The following JAZF1 variants were observed in gnomAD, a reference collection of about 807,000 sequenced individuals.
The protein encoded by JAZF1 is JAZF zinc finger 1, also known as juxtaposed with another zinc finger protein 1.
In JAZF1, 8 loss-of-function variants were observed where a neutral mutation model predicts 26.4. The observed-to-expected ratio is 0.30, with a 90% CI of 0.18 to 0.55. The LOEUF is 0.55. JAZF1 is among the 20% of genes least tolerant of loss of function. The pLI is 0.94. For missense variants in JAZF1, 199 were observed against 322.0 expected, an observed-to-expected ratio of 0.62 and a Z score of 2.92; for synonymous variants, 126 against 122.3, an observed-to-expected ratio of 1.03 and a Z score of -0.20.
chr7:27,881,401 T>C (rs746972238), intron 3 of JAZF1, among the ~76,000 whole-genome samples: 1 of 152,258 alleles, frequency 6.6e-6, no homozygotes, highest in Admixed American at 6.5e-5. Flanking sequence ...ATAAATTATA[T>C]ATACTGGTAT....
At chr7:28,149,683 T>C (rs1783078343) in intron 1 of JAZF1, among the ~76,000 whole-genome samples, 1 of 152,210 alleles carries the variant, frequency 6.6e-6, no homozygotes, top group Non-Finnish European at 1.5e-5. Flanking sequence ...ATCTTCAATT[T>C]GAATCAGTGG....
intron 2 of JAZF1, among the ~76,000 whole-genome samples, chr7:27,901,208 C>G (rs1021146517): frequency 6.6e-6 from 1 of 152,162 alleles, no homozygotes; most frequent in Non-Finnish European, 1.5e-5. Context: ...TTTCAACTTC[C>G]CTACAAATCA....
intron 2 of JAZF1, among the ~76,000 whole-genome samples, chr7:27,984,559 A>G (rs1465413500): frequency 6.6e-6 from 1 of 152,220 alleles, no homozygotes; most frequent in Non-Finnish European, 1.5e-5. Context: ...CAGAAAGTTA[A>G]CAAGGATATC....
intron 1 of JAZF1, among the ~76,000 whole-genome samples, chr7:28,032,049 G>A (rs1043305273): frequency 1.4e-4 from 21 of 152,132 alleles, no homozygotes; most frequent in African/African-American, 5.1e-4. Context: ...AGTGTCTCAC[G>A]CAACCATTAA....
At chr7:28,106,050 T>C (rs1016680616) in intron 1 of JAZF1, among the ~76,000 whole-genome samples, 3 of 152,208 alleles carry the variant, frequency 2.0e-5, no homozygotes, top group Non-Finnish European at 4.4e-5. Flanking sequence ...TCCAAGCACA[T>C]GTGGAGGTTT....
intron 2 of JAZF1, among the ~76,000 whole-genome samples, chr7:27,968,824 T>C (rs1224199125): frequency 2.6e-5 from 4 of 151,990 alleles, no homozygotes; most frequent in Non-Finnish European, 5.9e-5. Context: ...AAATGGGCAA[T>C]AAAAGAAAGT....
chr7:27,999,148 T>C (rs1181115232), intron 1 of JAZF1, among the ~76,000 whole-genome samples: 1 of 152,230 alleles, frequency 6.6e-6, no homozygotes, highest in East Asian at 1.9e-4. Context: ...TGCATATCTG[T>C]ATACAGCAGC....
chr7:28,020,708 G>A (rs1332937209), intron 1 of JAZF1: 1 of 471,188 alleles, frequency 2.1e-6, no homozygotes, highest in South Asian at 1.5e-5. Context: ...ATGTGACACT[G>A]GCATTTGTCC....
intron 1 of JAZF1, among the ~76,000 whole-genome samples, chr7:28,115,872 T>G (rs1324908139): frequency 6.6e-6 from 1 of 152,192 alleles, no homozygotes; most frequent in Non-Finnish European, 1.5e-5. Flanking sequence ...GTCTCCTTTC[T>G]ACATCAAAGG....
chr7:27,993,828 G>T (rs1241220385), intron 1 of JAZF1, among the ~76,000 whole-genome samples: 1 of 152,186 alleles, frequency 6.6e-6, no homozygotes, highest in Non-Finnish European at 1.5e-5. Flanking sequence ...GACTCAAAGA[G>T]ATATCTGGTG....
At chr7:28,159,495 G>A (rs1181991166) in intron 1 of JAZF1, among the ~76,000 whole-genome samples, 5 of 151,956 alleles carry the variant, frequency 3.3e-5, no homozygotes, top group Non-Finnish European at 7.4e-5. Context: ...CCTTCGAGGG[G>A]GCGTGGGCAG....
At chr7:27,956,634 T>A (rs1046801152) in intron 2 of JAZF1, among the ~76,000 whole-genome samples, 9 of 152,158 alleles carry the variant, frequency 5.9e-5, no homozygotes, top group Admixed American at 5.2e-4. Context: ...ACTGCTCTTC[T>A]GGAAGAAAGG....
chr7:28,031,654 C>T (rs1268634680), intron 1 of JAZF1, among the ~76,000 whole-genome samples: 9 of 152,044 alleles, frequency 5.9e-5, no homozygotes, highest in African/African-American at 1.9e-4. Context: ...AAACCAAACA[C>T]CAAATGTTCT....
intron 1 of JAZF1, among the ~76,000 whole-genome samples, chr7:28,094,345 C>T (rs577517472): frequency 3.3e-5 from 5 of 152,254 alleles, no homozygotes; most frequent in South Asian, 2.1e-4. Flanking sequence ...GAAGGTCCCA[C>T]GGCTGGCAAG....
chr7:27,876,986 G>T (rs1217695714), intron 3 of JAZF1, among the ~76,000 whole-genome samples: 1 of 152,300 alleles, frequency 6.6e-6, no homozygotes, highest in Admixed American at 6.5e-5. Flanking sequence ...AGACAAGAGG[G>T]TTACTCTTTG....
intron 1 of JAZF1, among the ~76,000 whole-genome samples, chr7:27,996,623 T>C (rs1387895239): frequency 2.6e-5 from 4 of 152,230 alleles, no homozygotes; most frequent in African/African-American, 9.6e-5. Flanking sequence ...CACAGAGTTG[T>C]AGACTTTGTT....
At position 28,017,168 on chromosome 7, in the gene JAZF1, C is replaced by T. The variant is rs569637101; in HGVS notation, c.116-25187G>A. Among the ~76,000 whole-genome samples, 20 of 152,000 alleles carry T rather than the reference C, an allele frequency of 1.3e-4. No homozygotes were observed. The South Asian group carries it at 1.7e-3, about 13-fold the overall frequency. ...GAGTTCGAGACCAGCCTGACCAATA[C>T]GGTGAAACCCCATCTCTACTAAACA... is the stretch of plus-strand genomic sequence containing the variant. On this transcript the variant is annotated intron_variant, in intron 1 of 4. Transcript: ENST00000283928.
intron 1 of JAZF1, among the ~76,000 whole-genome samples, chr7:28,083,617 ATTATT>A (rs1784170698): frequency 6.6e-6 from 1 of 152,092 alleles, no homozygotes; most frequent in East Asian, 1.9e-4. Flanking sequence ...AGAGTGCTGT[ATTATT>A]TTATATTTTT....
intron 1 of JAZF1, among the ~76,000 whole-genome samples, chr7:28,121,733 G>A (rs1583572273): frequency 6.6e-6 from 1 of 152,334 alleles, no homozygotes; most frequent in East Asian, 1.9e-4. Flanking sequence ...CCTAGAAAAA[G>A]TGATAGCACT....
Sources: gnomAD v4.1 joint callset for allele counts (sites outside exome capture counted in the v4.1 genomes callset) on GRCh38, gnomAD v4.1.1 for gene constraint, MANE v1.5 for transcripts, NCBI Gene and HGNC (gene_info 2026-07-23, HGNC 2026-07-21) for gene names.